SHISA9: variants seen among roughly 807,000 people sequenced by gnomAD.
SHISA9 encodes shisa family member 9.
Under a neutral mutation model 38.0 loss-of-function variants are expected in SHISA9, and 13 were observed. That is an observed-to-expected ratio of 0.34 (90% confidence interval 0.22 to 0.54). SHISA9 has a LOEUF of 0.54. Among genes scored for constraint, SHISA9 ranks in the 20% least tolerant of loss-of-function variants. The pLI is 0.91. For missense variants in SHISA9, 538 were observed against 575.8 expected, an observed-to-expected ratio of 0.93 and a Z score of 0.67; for synonymous variants, 275 against 242.0, an observed-to-expected ratio of 1.14 and a Z score of -1.27.
chr16:13,451,929 AAGG>A, the SHISA9 span, among the ~76,000 whole-genome samples: 6 of 152,326 alleles, frequency 3.9e-5, no homozygotes, highest in South Asian at 1.2e-3. Context: ...ACCTGGCTTC[AAGG>A]AGAAGGGGAA....
At chr16:13,120,435 G>T (rs573305994) in intron 2 of SHISA9, among the ~76,000 whole-genome samples, 1 of 152,320 alleles carries the variant, frequency 6.6e-6, no homozygotes, top group South Asian at 2.1e-4. Context: ...CTGCATGGAA[G>T]CACCATATTC....
chr16:13,127,786 A>G (rs1431072544), intron 2 of SHISA9, among the ~76,000 whole-genome samples: 1 of 152,052 alleles, frequency 6.6e-6, no homozygotes, highest in African/African-American at 2.4e-5. Context: ...TGTTGTGGGG[A>G]TTAAGCCATA....
chr16:13,418,998 G>T, the SHISA9 span, among the ~76,000 whole-genome samples: 1 of 152,164 alleles, frequency 6.6e-6, no homozygotes, highest in African/African-American at 2.4e-5. Context: ...GGGGCTGGAG[G>T]TTCTATGTAA....
chr16:12,957,024 A>G (rs963693338), intron 2 of SHISA9, among the ~76,000 whole-genome samples: 2 of 152,214 alleles, frequency 1.3e-5, no homozygotes, highest in African/African-American at 4.8e-5. Flanking sequence ...CTTTACTCTT[A>G]TCACCTACAG....
chr16:13,481,463 G>A, the SHISA9 span, among the ~76,000 whole-genome samples: 2 of 152,142 alleles, frequency 1.3e-5, no homozygotes, highest in Admixed American at 6.5e-5. Flanking sequence ...TAGCAGTGAT[G>A]GTGTCAGGCT....
At chr16:13,056,443 C>G (rs2141904913) in intron 2 of SHISA9, among the ~76,000 whole-genome samples, 1 of 152,310 alleles carries the variant, frequency 6.6e-6, no homozygotes, top group East Asian at 1.9e-4. Flanking sequence ...GTTGATCCAT[C>G]TCTTTATGTT....
At chr16:13,431,617 A>G in the SHISA9 span, among the ~76,000 whole-genome samples, 10 of 152,282 alleles carry the variant, frequency 6.6e-5, no homozygotes, top group East Asian at 1.7e-3. Context: ...TGTAGTTTAC[A>G]CGATTTTTCT....
rs551108796 is a variant in SHISA9, at chr16:12,967,163, T to C, written c.691+50348T>C. On this transcript the variant is annotated intron_variant, in intron 2 of 4. Transcript: ENST00000558583. ...AGCAAAGACTTGGAACCAACCCAAA[T>C]GTCCATCAATGATAGACTGGATTAA... Among the ~76,000 whole-genome samples the C allele has an allele frequency of 2.0e-4, 30 of 152,318 alleles. No individual in the cohort carries two copies. The South Asian group carries it at 3.5e-3, about 18-fold the overall frequency.
At chr16:12,910,154 G>C (rs1419384046) in intron 1 of SHISA9, 1 of 152,246 alleles carries the variant, frequency 6.6e-6, no homozygotes, top group Non-Finnish European at 1.5e-5. Context: ...ACTGCACCTG[G>C]CCCTTTTATT....
At chr16:13,114,901 T>A (rs2074015919) in intron 2 of SHISA9, among the ~76,000 whole-genome samples, 1 of 32,446 alleles carries the variant, frequency 3.1e-5, no homozygotes, top group South Asian at 1.4e-3. Context: ...TACATCTAAC[T>A]CCATCCATCC....
chr16:13,399,065 G>A, the SHISA9 span, among the ~76,000 whole-genome samples: 1 of 152,016 alleles, frequency 6.6e-6, no homozygotes, highest in African/African-American at 2.4e-5. Context: ...GACCAGCCTG[G>A]CAATATCTTG....
At chr16:13,484,895 C>A in the SHISA9 span, among the ~76,000 whole-genome samples, 3 of 152,154 alleles carry the variant, frequency 2.0e-5, no homozygotes, top group African/African-American at 4.8e-5. Context: ...CACCAGGTTT[C>A]TCCTCCAACA....
chr16:13,483,328 C>T, the SHISA9 span, among the ~76,000 whole-genome samples: 1 of 152,094 alleles, frequency 6.6e-6, no homozygotes, highest in Non-Finnish European at 1.5e-5. Context: ...TGGCATGCAC[C>T]CCCAAGGTCA....
chr16:13,113,347 T>C (rs969750858), intron 2 of SHISA9, among the ~76,000 whole-genome samples: 3 of 152,190 alleles, frequency 2.0e-5, no homozygotes, highest in Non-Finnish European at 4.4e-5. Context: ...ACAGAGTATC[T>C]GCTGTCTCTT....
intron 2 of SHISA9, among the ~76,000 whole-genome samples, chr16:12,920,134 C>G (rs2071309123): frequency 6.7e-6 from 1 of 149,322 alleles, no homozygotes; most frequent in Admixed American, 6.8e-5. Context: ...TTTGTGTTCA[C>G]AGCACACTTC....
chr16:13,376,026 A>T, the SHISA9 span, among the ~76,000 whole-genome samples: 1 of 152,354 alleles, frequency 6.6e-6, no homozygotes, highest in South Asian at 2.1e-4. Flanking sequence ...TTCAAAAGTT[A>T]CAGCAATCAA....
intron 2 of SHISA9, among the ~76,000 whole-genome samples, chr16:12,953,921 A>G (rs1357773947): frequency 6.6e-6 from 1 of 152,176 alleles, no homozygotes; most frequent in African/African-American, 2.4e-5. Flanking sequence ...CTCTTGTGAG[A>G]ACTCACTCAC....
chr16:13,374,120 A>C, the SHISA9 span, among the ~76,000 whole-genome samples: 1 of 152,186 alleles, frequency 6.6e-6, no homozygotes, highest in East Asian at 1.9e-4. Context: ...CATTAGGCCA[A>C]AATGTCCTGG....
At chr16:12,945,546 GTT>G (rs1475573808) in intron 2 of SHISA9, among the ~76,000 whole-genome samples, 1 of 152,140 alleles carries the variant, frequency 6.6e-6, no homozygotes, top group Non-Finnish European at 1.5e-5. Flanking sequence ...TTTCTTTCTT[GTT>G]CTATGTAAAG....
Sources: allele counts gnomAD v4.1 joint callset (sites outside exome capture counted in the v4.1 genomes callset), GRCh38; gene constraint gnomAD v4.1.1; transcripts MANE v1.5; gene names NCBI Gene and HGNC (gene_info 2026-07-23, HGNC 2026-07-21).